TRHDE: variants seen among roughly 807,000 people sequenced by gnomAD.
TRHDE encodes the protein thyrotropin-releasing hormone-degrading ectoenzyme.
A neutral mutation model predicts 125.7 loss-of-function variants in TRHDE; 72 were observed. The ratio of observed to expected loss-of-function variants is 0.57; its 90% CI spans 0.47 to 0.70. The LOEUF (loss-of-function observed/expected upper bound fraction) is 0.70. TRHDE is among the 30% of genes least tolerant of loss of function. TRHDE has a pLI of 0.00. For missense variants in TRHDE, 1,110 were observed against 1,327.1 expected (o/e 0.84, Z 2.54); for synonymous variants, 509 against 509.1 (o/e 1.00, Z 0.00).
chr12:72,641,960 G>A (rs1874082845), intron 15 of TRHDE, among the ~76,000 whole-genome samples: 1 of 152,160 alleles, frequency 6.6e-6, no homozygotes, highest in Non-Finnish European at 1.5e-5. Context: ...ATCACAGTTT[G>A]TGATGCTGAA....
rs1875016014 is a variant in TRHDE at position 72,663,890 on chromosome 12, G to A, written c.*695G>A. 6.6e-6 allele frequency: 1 copy of A among 152,074 alleles called. No individual in the cohort carries two copies. Among genetic ancestry groups the A allele is most frequent in the Admixed American group, 6.6e-5 (1 of 15,260 alleles). The allele number at this position is 152,074 out of a possible 1,614,324, so 9.4% of individuals were successfully genotyped here. On this transcript the variant is annotated 3_prime_UTR_variant, in exon 19 of 19. Transcript: ENST00000261180. ...TGCATATGTATATGTACATAGGGAA[G>A]CCCCATATGTATATAGTATGTTGTA...
At chr12:72,593,416 C>A (rs1871778979) in intron 12 of TRHDE, among the ~76,000 whole-genome samples, 1 of 152,062 alleles carries the variant, frequency 6.6e-6, no homozygotes, top group Admixed American at 6.6e-5. Flanking sequence ...ACCCTTATGG[C>A]AGTTTTTTCA....
intron 12 of TRHDE, among the ~76,000 whole-genome samples, chr12:72,587,704 TGA>T (rs1871500558): frequency 6.6e-6 from 1 of 152,044 alleles, no homozygotes; most frequent in African/African-American, 2.4e-5. Flanking sequence ...AAGATATTAC[TGA>T]GAGATAAGTA....
At chr12:72,618,674 T>G (rs546443539) in intron 12 of TRHDE, among the ~76,000 whole-genome samples, 2 of 152,174 alleles carry the variant, frequency 1.3e-5, no homozygotes, top group Non-Finnish European at 2.9e-5. Flanking sequence ...CTGATGTTTT[T>G]GTATTCGTAA....
intron 2 of TRHDE, among the ~76,000 whole-genome samples, chr12:72,328,437 G>A (rs1440868546): frequency 6.8e-6 from 1 of 148,000 alleles, no homozygotes; most frequent in Admixed American, 6.6e-5. Context: ...TAAAATGCTT[G>A]TGCATAAGCC....
intron 2 of TRHDE, among the ~76,000 whole-genome samples, chr12:72,181,780 A>G (rs927184650): frequency 3.9e-5 from 6 of 152,002 alleles, no homozygotes; most frequent in African/African-American, 1.2e-4. Context: ...TCTGCTTGCT[A>G]TTGGGTGGAT....
chr12:72,467,801 C>T (rs1434674791), intron 3 of TRHDE, among the ~76,000 whole-genome samples: 7 of 152,140 alleles, frequency 4.6e-5, no homozygotes, highest in African/African-American at 1.4e-4. Context: ...GGCGACAGAG[C>T]GAGACTCCAT....
chr12:72,433,407 G>C (rs1874586115), intron 3 of TRHDE, among the ~76,000 whole-genome samples: 2 of 152,164 alleles, frequency 1.3e-5, no homozygotes, highest in East Asian at 3.9e-4. Flanking sequence ...GAGTAATTTA[G>C]GGTCCAGTCT....
chr12:72,268,332 CTG>C (rs1358737361), upstream of TRHDE, among the ~76,000 whole-genome samples: 1 of 152,052 alleles, frequency 6.6e-6, no homozygotes, highest in African/African-American at 2.4e-5. Context: ...TAGTTTTTAA[CTG>C]AATTATTTTT....
At chr12:72,353,693 C>T (rs977953791) in intron 2 of TRHDE, among the ~76,000 whole-genome samples, 1 of 151,390 alleles carries the variant, frequency 6.6e-6, no homozygotes, top group African/African-American at 2.4e-5. Context: ...ATACTCATCT[C>T]ACTAATTATC....
At chr12:72,401,431 A>C (rs957054890) in intron 3 of TRHDE, among the ~76,000 whole-genome samples, 2 of 152,196 alleles carry the variant, frequency 1.3e-5, no homozygotes, top group African/African-American at 4.8e-5. Flanking sequence ...ATTTGAAGCA[A>C]GTGGAAAAGT....
At chr12:72,226,957 C>A (rs979675673) in intron 2 of TRHDE, among the ~76,000 whole-genome samples, 36 of 152,260 alleles carry the variant, frequency 2.4e-4, no homozygotes, top group African/African-American at 8.4e-4. Flanking sequence ...CAATTAAGCA[C>A]CTTTGGTTTA....
intron 12 of TRHDE, among the ~76,000 whole-genome samples, chr12:72,614,145 A>C (rs1592572841): frequency 6.6e-6 from 1 of 150,996 alleles, no homozygotes; most frequent in Non-Finnish European, 1.5e-5. Context: ...TGATCCAAAC[A>C]CCTCCCACCA....
At chr12:72,097,372 A>T (rs1236029342) in intron 1 of TRHDE, among the ~76,000 whole-genome samples, 4 of 150,272 alleles carry the variant, frequency 2.7e-5, no homozygotes, top group Admixed American at 1.3e-4. Flanking sequence ...GAAGGCTTTA[A>T]AGTTCTAGAA....
intron 10 of TRHDE, among the ~76,000 whole-genome samples, chr12:72,573,128 C>T (rs1374443686): frequency 6.6e-6 from 1 of 151,774 alleles, no homozygotes; most frequent in Non-Finnish European, 1.5e-5. Context: ...TTAATTCTGC[C>T]TTCAAGGTTG....
chr12:72,097,407 C>A (rs1381922781), intron 1 of TRHDE, among the ~76,000 whole-genome samples: 1 of 147,314 alleles, frequency 6.8e-6, no homozygotes, highest in African/African-American at 2.5e-5. Flanking sequence ...ATGTTTAGTC[C>A]CTCCTTACCT....
intron 3 of TRHDE, among the ~76,000 whole-genome samples, chr12:72,467,234 T>TC (rs1361638357): frequency 7.6e-6 from 1 of 131,506 alleles, no homozygotes; most frequent in African/African-American, 2.8e-5. Context: ...CCCTCCCCAC[T>TC]CCCCCCACCC....
intron 2 of TRHDE, among the ~76,000 whole-genome samples, chr12:72,244,755 G>A (rs1320996673): frequency 1.3e-5 from 2 of 151,956 alleles, no homozygotes; most frequent in Non-Finnish European, 2.9e-5. Context: ...CTTTGGTGAT[G>A]GGGAAATGAA....
chr12:72,336,770 C>T (rs1869847756), intron 2 of TRHDE, among the ~76,000 whole-genome samples: 2 of 152,180 alleles, frequency 1.3e-5, no homozygotes, highest in Admixed American at 1.3e-4. Flanking sequence ...ACTCTTGTAA[C>T]AAGCCCACTT....
Sources: gnomAD v4.1 joint callset for allele counts (sites outside exome capture counted in the v4.1 genomes callset) on GRCh38, gnomAD v4.1.1 for gene constraint, MANE v1.5 for transcripts, NCBI Gene and HGNC (gene_info 2026-07-23, HGNC 2026-07-21) for gene names.